The following AGPAT3 variants were observed in gnomAD, a reference collection of about 807,000 sequenced individuals.
AGPAT3 encodes the protein 1-acylglycerol-3-phosphate O-acyltransferase 3, also known as 1-acyl-sn-glycerol-3-phosphate acyltransferase gamma.
Under a neutral mutation model 47.3 loss-of-function variants are expected in AGPAT3, and 5 were observed. The observed-to-expected ratio is 0.11, with a 90% CI of 0.06 to 0.22. The LOEUF (loss-of-function observed/expected upper bound fraction) is 0.22. Ranked by LOEUF, AGPAT3 falls within the 10% of genes least tolerant of loss-of-function variation. The probability of loss-of-function intolerance (pLI) is 1.00; values close to 1 mark genes in which losing one functional copy is unlikely to be tolerated. For missense variants in AGPAT3, 315 were observed against 493.0 expected, an observed-to-expected ratio of 0.64 and a Z score of 3.42; for synonymous variants, 212 against 208.3, an observed-to-expected ratio of 1.02 and a Z score of -0.15.
In AGPAT3 at chr21:43,954,850, C is replaced by T. The variant is rs1403758727; in HGVS notation, c.-48-4784C>T. 8 of 222,920 alleles carry T rather than the reference C, an allele frequency of 3.6e-5. No individual in the cohort carries two copies. The highest frequency in any genetic ancestry group is 1.7e-4 in the East Asian group (1 of 5,868). The allele number at this position is 222,920 out of a possible 1,614,324, so 13.8% of individuals were successfully genotyped here. ...GGGGCACTGAGTGCTGTGTGGCACCCGGGCCAGGAGAAACATGTGCCAGAG... is the reference window on the plus strand; with the variant it reads ...GGGGCACTGAGTGCTGTGTGGCACCTGGGCCAGGAGAAACATGTGCCAGAG... On this transcript the variant is annotated intron_variant, in intron 2 of 9. Coordinates refer to ENST00000291572, the MANE Select transcript of AGPAT3 (RefSeq NM_020132.5). The surrounding 1 kb of genome is among the most constrained non-coding windows in gnomAD (Gnocchi z 4.0).
chr21:43,894,485 A>G (rs1364554707), intron 1 of AGPAT3, among the ~76,000 whole-genome samples: 3 of 151,984 alleles, frequency 2.0e-5, no homozygotes, highest in Non-Finnish European at 2.9e-5. Flanking sequence ...ATAATTTAAT[A>G]TATTCACATA....
At chr21:43,926,620 C>T (rs1290286997) in intron 2 of AGPAT3, among the ~76,000 whole-genome samples, 10 of 143,274 alleles carry the variant, frequency 7.0e-5, no homozygotes, top group African/African-American at 1.6e-4. Flanking sequence ...GGGTAGCTTC[C>T]GTGAGCTACG....
chr21:43,980,971 C>T lies in AGPAT3; in HGVS notation c.844-18C>T. ...TAAAGAAGCCTCACGCTTCCTTTTT[C>T]TCTGTTGACTCTTCTAGGACGCGCT... is the stretch of plus-strand genomic sequence containing the variant. On this transcript the variant is annotated intron_variant, in intron 8 of 9. Coordinates refer to ENST00000291572, the MANE Select transcript of AGPAT3 (RefSeq NM_020132.5). 1 of 1,560,870 alleles carries T rather than the reference C, an allele frequency of 6.4e-7. No homozygotes were observed. The highest frequency in any genetic ancestry group is 8.7e-7 in the Non-Finnish European group (1 of 1,146,082).
intron 2 of AGPAT3, among the ~76,000 whole-genome samples, chr21:43,906,202 A>G (rs1269748881): frequency 2.0e-5 from 3 of 152,286 alleles, no homozygotes; most frequent in East Asian, 1.9e-4. Flanking sequence ...ATTTACAACC[A>G]AGCTTCTAGG....
chr21:43,959,865 T>C lies in AGPAT3; in HGVS notation c.178+6T>C. ...CGCCTACTCACTCTGGAGCCGTGAG[T>C]GTCTGCTGGGCCAGTCCCTGCCGCC... On this transcript the variant is annotated splice_donor_region_variant and intron_variant, in intron 3 of 9. Coordinates refer to ENST00000291572, the MANE Select transcript of AGPAT3 (RefSeq NM_020132.5). 1 of 1,602,066 alleles carries C rather than the reference T, an allele frequency of 6.2e-7. No individual in the cohort carries two copies. The highest frequency in any genetic ancestry group is 8.5e-7 in the Non-Finnish European group (1 of 1,177,404).
chr21:43,975,696 G>C lies in AGPAT3; in HGVS notation c.768-2350G>C, dbSNP rs1311108339. ...CACTGCGGTTGCCCGTGGACAGCAG[G>C]TTCCTACCTGTGTATCTTAATTTTG... On this transcript the variant is annotated intron_variant, in intron 7 of 9. Coordinates refer to ENST00000291572, the MANE Select transcript of AGPAT3 (RefSeq NM_020132.5). Among the ~76,000 whole-genome samples the C allele has an allele frequency of 2.0e-5, 3 of 152,250 alleles. 1 individual carries two copies. Among genetic ancestry groups the C allele is most frequent in the Admixed American group, 2.0e-4 (3 of 15,284 alleles).
chr21:43,911,615 G>T (rs927440433), intron 2 of AGPAT3, among the ~76,000 whole-genome samples: 10 of 152,230 alleles, frequency 6.6e-5, no homozygotes, highest in Non-Finnish European at 1.5e-4. Flanking sequence ...GTGGCAAGGA[G>T]GCCCTAGGTG....
chr21:43,977,885 CAA>C (rs573227227), intron 7 of AGPAT3, among the ~76,000 whole-genome samples, 159 bp from the exon 8 acceptor site: 11 of 117,314 alleles, frequency 9.4e-5, no homozygotes, highest in Non-Finnish European at 1.3e-4. Flanking sequence ...GACTCCATCT[CAA>C]AAAAAAAAAA....
intron 3 of AGPAT3, among the ~76,000 whole-genome samples, chr21:43,963,888 G>A (rs905799388): frequency 1.3e-5 from 2 of 151,962 alleles, no homozygotes; most frequent in Non-Finnish European, 2.9e-5. Context: ...AGCACCCTGT[G>A]TTGTTCAAGA....
intron 2 of AGPAT3, among the ~76,000 whole-genome samples, chr21:43,906,255 T>C (rs2086490746): frequency 6.6e-6 from 1 of 152,112 alleles, no homozygotes; most frequent in African/African-American, 2.4e-5. Context: ...CTGTCAGTGA[T>C]GGCATGCCAC....
At chr21:43,904,649 G>C (rs117010579) in intron 2 of AGPAT3, among the ~76,000 whole-genome samples, 3 of 152,198 alleles carry the variant, frequency 2.0e-5, no homozygotes, top group African/African-American at 7.2e-5. Context: ...GGTGGGCCCA[G>C]GGTTGGGGCA....
In AGPAT3 at chr21:43,939,986, C is replaced by A. The variant is rs567267202; in HGVS notation, c.-48-19648C>A. Among the ~76,000 whole-genome samples, 394 of 152,350 alleles carry A rather than the reference C, an allele frequency of 2.6e-3. 2 individuals carry two copies. The highest frequency in any genetic ancestry group is 4.7e-3 in the Non-Finnish European group (320 of 68,026). On this transcript the variant is annotated intron_variant, in intron 2 of 9. Coordinates refer to ENST00000291572, the MANE Select transcript of AGPAT3 (RefSeq NM_020132.5). This position sits in a 1 kb window ranked among gnomAD's most constrained non-coding sequence, Gnocchi z 4.4. ...AACCTGTGTGTATGTCCTGCTTCAG[C>A]GCGCTCCTGGGGTCCCTTGAGTTGG...
Position 43,952,947 on chromosome 21 carries a change from G to A in AGPAT3, c.-48-6687G>A, listed in dbSNP as rs981370194. On this transcript the variant is annotated intron_variant, in intron 2 of 9. Coordinates refer to ENST00000291572, the MANE Select transcript of AGPAT3 (RefSeq NM_020132.5). The surrounding 1 kb of genome is among the most constrained non-coding windows in gnomAD (Gnocchi z 5.6). ...GGGGGCTGCCCAGGCTATCTGCTGC[G>A]GTCAGGGTGTCAGTGGTGCCACCAT... Among the ~76,000 whole-genome samples the A allele has an allele frequency of 6.6e-6, 1 of 152,152 alleles. No individual in the cohort carries two copies. The highest frequency in any genetic ancestry group is 2.1e-4 in the South Asian group (1 of 4,828).
chr21:43,908,072 C>T lies in AGPAT3; in HGVS notation c.-49+4053C>T, dbSNP rs2086546898. 2.0e-5 allele frequency among the ~76,000 whole-genome samples: 3 copies of T among 152,218 alleles called. No homozygotes were observed. Among genetic ancestry groups the T allele is most frequent in the Admixed American group, 6.5e-5 (1 of 15,282 alleles). ...CTCAGGCACCCCAGGGACGCTTTCTCTTTCCGTGTGCTGGAAGACCTGAAT... is the reference window on the plus strand; with the variant it reads ...CTCAGGCACCCCAGGGACGCTTTCTTTTTCCGTGTGCTGGAAGACCTGAAT... On this transcript the variant is annotated intron_variant, in intron 2 of 9. Transcript: ENST00000291572. This position sits in a 1 kb window ranked among gnomAD's most constrained non-coding sequence, Gnocchi z 4.9.
At chr21:43,914,838 A>G (rs963119721) in intron 2 of AGPAT3, among the ~76,000 whole-genome samples, 4 of 152,170 alleles carry the variant, frequency 2.6e-5, no homozygotes, top group African/African-American at 9.6e-5. Context: ...CACCGTGCCC[A>G]GTACTCAGAT....
At chr21:43,943,748 G>A (rs2087755351) in intron 2 of AGPAT3, among the ~76,000 whole-genome samples, 1 of 152,214 alleles carries the variant, frequency 6.6e-6, no homozygotes, top group East Asian at 1.9e-4. Flanking sequence ...GGGGTGGGGC[G>A]GGCCGCGTGC....
In AGPAT3 at chr21:43,912,897, G is replaced by A. The variant is rs116922534; in HGVS notation, c.-49+8878G>A. Among the ~76,000 whole-genome samples, 64 of 152,326 alleles carry A rather than the reference G, an allele frequency of 4.2e-4. 1 individual carries two copies. In the East Asian group the frequency reaches 0.011, roughly 27 times the overall value. ...CTGCCTTGTCCCTGACGGTTGCTGC[G>A]GTGCCTCCGGTGTTTGCCCAGCGAG... On this transcript the variant is annotated intron_variant, in intron 2 of 9. Transcript: ENST00000291572.
At chr21:43,902,648 C>T (rs74459767) in intron 1 of AGPAT3, among the ~76,000 whole-genome samples, 1 of 152,298 alleles carries the variant, frequency 6.6e-6, no homozygotes, top group African/African-American at 2.4e-5. Context: ...CCCTCTTGGC[C>T]TAATCCCCTG....
intron 7 of AGPAT3, among the ~76,000 whole-genome samples, chr21:43,974,323 G>A (rs891115659): frequency 6.6e-6 from 1 of 151,932 alleles, no homozygotes; most frequent in Non-Finnish European, 1.5e-5. Context: ...TGTATGTGGT[G>A]TGTGTATAGT....
Sources: allele counts gnomAD v4.1 joint callset (sites outside exome capture counted in the v4.1 genomes callset), GRCh38; gene constraint gnomAD v4.1.1; non-coding constraint Gnocchi (gnomAD v3.1); transcripts MANE v1.5; gene names NCBI Gene and HGNC (gene_info 2026-07-23, HGNC 2026-07-21).